The following SGCZ variants were observed in gnomAD, a reference collection of about 807,000 sequenced individuals.
The protein encoded by SGCZ is sarcoglycan zeta.
SGCZ carries 40 observed loss-of-function variants against 41.3 expected under a neutral mutation model. The ratio of observed to expected loss-of-function variants is 0.97; its 90% CI spans 0.75 to 1.26. SGCZ has a LOEUF of 1.26. SGCZ is among the 50% of genes most tolerant of loss of function. SGCZ has a pLI of 0.00. For synonymous variants in SGCZ, 206 were observed against 137.5 expected (o/e 1.50, Z -3.49); for missense variants, 552 against 369.8 (o/e 1.49, Z -4.04).
At chr8:14,542,280 C>T (rs1420168405) in intron 2 of SGCZ, among the ~76,000 whole-genome samples, 2 of 151,932 alleles carry the variant, frequency 1.3e-5, no homozygotes, top group Admixed American at 6.6e-5. Flanking sequence ...ATATCTTAAC[C>T]CTCATTTATA....
At chr8:14,299,158 G>C (rs1224237334) in intron 3 of SGCZ, among the ~76,000 whole-genome samples, 1 of 151,918 alleles carries the variant, frequency 6.6e-6, no homozygotes, top group East Asian at 1.9e-4. Flanking sequence ...CTCAAACCAT[G>C]CACATCAACT....
In SGCZ at chr8:14,137,220, G is replaced by C. The variant is rs543049327; in HGVS notation, c.547+27360C>G. 2.0e-5 allele frequency among the ~76,000 whole-genome samples: 3 copies of C among 152,330 alleles called. No individual in the cohort carries two copies. In the East Asian group the frequency reaches 5.8e-4, roughly 29 times the overall value. On this transcript the variant is annotated intron_variant, in intron 5 of 7. Transcript: ENST00000382080. Reference sequence around the variant, plus strand: ...AGGTAGATAAAACTACAAAGATGGGGAGAAACCAGAGCAGAAAAGCTGAAA... The same window carrying C: ...AGGTAGATAAAACTACAAAGATGGGCAGAAACCAGAGCAGAAAAGCTGAAA...
intron 2 of SGCZ, among the ~76,000 whole-genome samples, chr8:14,440,483 G>A (rs1800217755): frequency 6.6e-6 from 1 of 151,876 alleles, no homozygotes; most frequent in Non-Finnish European, 1.5e-5. Context: ...TTTCCTGTGT[G>A]TTTACCACAA....
chr8:15,184,430 G>A (rs62501988), intron 1 of SGCZ, among the ~76,000 whole-genome samples: 7,275 of 152,212 alleles, frequency 0.048, 264 homozygotes, highest in Non-Finnish European at 0.075. Flanking sequence ...TTTAAAAAAT[G>A]CTTCCTTCTG....
chr8:14,856,100 T>A (rs1450290145), intron 1 of SGCZ, among the ~76,000 whole-genome samples: 1 of 152,182 alleles, frequency 6.6e-6, no homozygotes, highest in African/African-American at 2.4e-5. Flanking sequence ...ATATAATATT[T>A]AGGTCGAGGA....
chr8:14,839,726 T>C (rs10107786), intron 1 of SGCZ, among the ~76,000 whole-genome samples: 14,342 of 152,144 alleles, frequency 0.094, 702 homozygotes, highest in Admixed American at 0.12. Context: ...GAAAGTTATC[T>C]TTTGGCTTAA....
chr8:14,398,967 G>A (rs1798996149), intron 2 of SGCZ, among the ~76,000 whole-genome samples: 1 of 152,022 alleles, frequency 6.6e-6, no homozygotes. Flanking sequence ...TTCAACAAGT[G>A]TAAATGTTCC....
intron 1 of SGCZ, among the ~76,000 whole-genome samples, chr8:14,945,940 T>C (rs564041938): frequency 2.9e-5 from 4 of 138,972 alleles, no homozygotes; most frequent in Non-Finnish European, 6.1e-5. Flanking sequence ...AGATTGCAGA[T>C]AGGCCTCTCA....
At chr8:14,466,415 T>C (rs1417483898) in intron 2 of SGCZ, among the ~76,000 whole-genome samples, 5 of 152,020 alleles carry the variant, frequency 3.3e-5, no homozygotes, top group Non-Finnish European at 7.4e-5. Context: ...GTCTTTGTCT[T>C]CCAAAGGTCT....
At chr8:14,437,950 T>A (rs929398753) in intron 2 of SGCZ, among the ~76,000 whole-genome samples, 1 of 152,028 alleles carries the variant, frequency 6.6e-6, no homozygotes, top group African/African-American at 2.4e-5. Context: ...GTAAATAGTT[T>A]GGCATATAAA....
At chr8:14,576,966 G>T (rs1335058591) in intron 1 of SGCZ, among the ~76,000 whole-genome samples, 1 of 152,106 alleles carries the variant, frequency 6.6e-6, no homozygotes, top group Non-Finnish European at 1.5e-5. Context: ...TCACCCAAAA[G>T]GCCCTTCATG....
intron 4 of SGCZ, among the ~76,000 whole-genome samples, chr8:14,188,513 A>G (rs1313204441): frequency 6.6e-6 from 1 of 152,172 alleles, no homozygotes; most frequent in Non-Finnish European, 1.5e-5. Flanking sequence ...TTGAATGCAG[A>G]AAGTAGGGTA....
At chr8:14,563,305 G>T (rs925105364) in intron 1 of SGCZ, among the ~76,000 whole-genome samples, 1 of 152,144 alleles carries the variant, frequency 6.6e-6, no homozygotes, top group Non-Finnish European at 1.5e-5. Context: ...TTTCTAAAAT[G>T]GAAGTGGAAG....
At chr8:14,813,565 A>T (rs1183157488) in intron 1 of SGCZ, among the ~76,000 whole-genome samples, 1 of 152,230 alleles carries the variant, frequency 6.6e-6, no homozygotes, top group African/African-American at 2.4e-5. Context: ...GGACTGAGAA[A>T]ATCTTGCTCT....
chr8:14,478,079 A>T (rs969378592), intron 2 of SGCZ, among the ~76,000 whole-genome samples: 1 of 152,260 alleles, frequency 6.6e-6, no homozygotes, highest in African/African-American at 2.4e-5. Flanking sequence ...GACAATGTGC[A>T]TCCTCATTCA....
chr8:14,977,584 G>A (rs1473316434), intron 1 of SGCZ, among the ~76,000 whole-genome samples: 1 of 151,980 alleles, frequency 6.6e-6, no homozygotes, highest in East Asian at 1.9e-4. Flanking sequence ...CTTAATCCTA[G>A]TAACATCATC....
intron 1 of SGCZ, among the ~76,000 whole-genome samples, chr8:14,997,050 C>T (rs1243570638): frequency 6.6e-6 from 1 of 152,134 alleles, no homozygotes; most frequent in Non-Finnish European, 1.5e-5. Context: ...TAATGTCTTC[C>T]TTAGCTTTCT....
chr8:14,970,646 T>C (rs1189158462), intron 1 of SGCZ, among the ~76,000 whole-genome samples: 6 of 152,198 alleles, frequency 3.9e-5, no homozygotes, highest in African/African-American at 1.2e-4. Flanking sequence ...CCATTTCTTC[T>C]GTTCCATTGA....
intron 1 of SGCZ, among the ~76,000 whole-genome samples, chr8:14,682,572 C>T (rs991041219): frequency 5.9e-5 from 9 of 151,842 alleles, no homozygotes; most frequent in Non-Finnish European, 1.3e-4. Flanking sequence ...GTAGCTGGGA[C>T]TACAGGCGCC....
Sources: allele counts gnomAD v4.1 joint callset (sites outside exome capture counted in the v4.1 genomes callset), GRCh38; gene constraint gnomAD v4.1.1; transcripts MANE v1.5; gene names NCBI Gene and HGNC (gene_info 2026-07-23, HGNC 2026-07-21).